The following HMGA2 variants were observed in gnomAD, a reference collection of about 807,000 sequenced individuals.
The protein encoded by HMGA2 is high mobility group protein HMGI-C.
A neutral mutation model predicts 19.1 loss-of-function variants in HMGA2; 8 were observed. The ratio of observed to expected loss-of-function variants is 0.42; its 90% CI spans 0.25 to 0.76. The LOEUF (loss-of-function observed/expected upper bound fraction) is 0.76, where lower values mean the gene tolerates loss of function less well. Among genes scored for constraint, HMGA2 ranks in the 30% least tolerant of loss-of-function variants. The probability of loss-of-function intolerance (pLI) is 0.28; values close to 1 mark genes in which losing one functional copy is unlikely to be tolerated. For synonymous variants in HMGA2, 60 were observed against 48.8 expected, an observed-to-expected ratio of 1.23 and a Z score of -0.96; for missense variants, 109 against 136.3, an observed-to-expected ratio of 0.80 and a Z score of 1.00.
At chr12:65,920,953 G>C (rs567979335) in intron 3 of HMGA2, among the ~76,000 whole-genome samples, 7 of 152,222 alleles carry the variant, frequency 4.6e-5, no homozygotes, top group Non-Finnish European at 1.0e-4. Context: ...ACAGGAAAAT[G>C]TGGGAATGTT....
chr12:65,837,174 G>T (rs2120867024), intron 2 of HMGA2, among the ~76,000 whole-genome samples: 1 of 152,306 alleles, frequency 6.6e-6, no homozygotes, highest in Admixed American at 6.5e-5. Context: ...TATTTTAAAT[G>T]CTCAATATTT....
chr12:65,860,808 T>A (rs1388741140), intron 3 of HMGA2, among the ~76,000 whole-genome samples: 2 of 152,190 alleles, frequency 1.3e-5, no homozygotes, highest in Non-Finnish European at 2.9e-5. Context: ...GAGACATAAA[T>A]ATAAGTGACA....
In HMGA2 at chr12:65,825,072, T is replaced by C; in HGVS notation, c.-199T>C. ...CCTCCTCCTCCTCCCCTCTTCTCTT[T>C]TTGGCAGCCGCTGGACGTCCGGTGT... is the stretch of plus-strand genomic sequence containing the variant. On this transcript the variant is annotated 5_prime_UTR_variant, in exon 1 of 5. Coordinates refer to ENST00000403681, the MANE Select transcript of HMGA2 (RefSeq NM_003483.6). The surrounding 1 kb of genome is among the most constrained non-coding windows in gnomAD (Gnocchi z 4.4). 2 of 501,234 alleles carry C rather than the reference T, an allele frequency of 4.0e-6. No homozygotes were observed. The highest frequency in any genetic ancestry group is 5.3e-5 in the South Asian group (2 of 37,472). The allele number at this position is 501,234 out of a possible 1,614,324, so 31.0% of individuals were successfully genotyped here.
intron 3 of HMGA2, among the ~76,000 whole-genome samples, chr12:65,939,779 AG>A (rs1188447934): frequency 2.6e-5 from 4 of 152,260 alleles, no homozygotes; most frequent in Non-Finnish European, 4.4e-5. Flanking sequence ...AGCACCAGCC[AG>A]GGAACACAGA....
At chr12:65,872,262 C>T (rs1006908692) in intron 3 of HMGA2, among the ~76,000 whole-genome samples, 1 of 152,132 alleles carries the variant, frequency 6.6e-6, no homozygotes, top group Non-Finnish European at 1.5e-5. Flanking sequence ...ACACATCAGC[C>T]GTGCCTCCTT....
chr12:65,842,578 C>T, intron 3 of HMGA2: 2 of 1,519,866 alleles, frequency 1.3e-6, no homozygotes, highest in East Asian at 2.5e-5. Flanking sequence ...TTTTAATTCT[C>T]TTTGCTATTA....
At chr12:65,940,643 G>C (rs929515023) in intron 3 of HMGA2, among the ~76,000 whole-genome samples, 1 of 152,184 alleles carries the variant, frequency 6.6e-6, no homozygotes, top group Non-Finnish European at 1.5e-5. Context: ...CACAGAATAT[G>C]CTGAATAATT....
chr12:65,838,397 A>G (rs1004430178), intron 2 of HMGA2, 122 bp from the exon 3 acceptor site: 2 of 755,760 alleles, frequency 2.6e-6, no homozygotes, highest in Non-Finnish European at 4.4e-6. Context: ...AAAAAACAAA[A>G]AAAAAAAAAC....
At chr12:65,851,543 A>G in intron 3 of HMGA2, 1 of 312,536 alleles carries the variant, frequency 3.2e-6, no homozygotes, top group Non-Finnish European at 6.4e-6. Context: ...CCAAGAAATT[A>G]GACAGCTGTG....
At chr12:65,865,671 G>C (rs1328512024) in intron 3 of HMGA2, among the ~76,000 whole-genome samples, 2 of 128,244 alleles carry the variant, frequency 1.6e-5, no homozygotes, top group Non-Finnish European at 3.1e-5. Flanking sequence ...GTCTCGCTCT[G>C]TCACCCAGGC....
At chr12:65,929,332 T>C (rs1315918038) in intron 3 of HMGA2, among the ~76,000 whole-genome samples, 1 of 152,060 alleles carries the variant, frequency 6.6e-6, no homozygotes, top group African/African-American at 2.4e-5. Context: ...CTATAAAATG[T>C]AAAAACCTTT....
At chr12:65,845,759 C>T (rs948915890) in intron 3 of HMGA2, among the ~76,000 whole-genome samples, 1 of 152,146 alleles carries the variant, frequency 6.6e-6, no homozygotes, top group Admixed American at 6.5e-5. Context: ...TTATCCGTGC[C>T]TTTTCTCATG....
At chr12:65,884,688 C>T (rs1377033254) in intron 3 of HMGA2, among the ~76,000 whole-genome samples, 2 of 152,144 alleles carry the variant, frequency 1.3e-5, no homozygotes, top group African/African-American at 4.8e-5. Context: ...AATTATGCTT[C>T]TAAATTCTCA....
chr12:65,852,639 G>A (rs998557070), intron 3 of HMGA2, among the ~76,000 whole-genome samples: 1 of 152,074 alleles, frequency 6.6e-6, no homozygotes, highest in African/African-American at 2.4e-5. Context: ...TGGTTTATGA[G>A]GCATTTACTC....
At chr12:65,868,153 A>G (rs1454625579) in intron 3 of HMGA2, among the ~76,000 whole-genome samples, 1 of 152,214 alleles carries the variant, frequency 6.6e-6, no homozygotes, top group Admixed American at 6.5e-5. Context: ...AATCTGTTGA[A>G]TGCCACTGGA....
At chr12:65,912,495 G>T (rs756847379) in intron 3 of HMGA2, among the ~76,000 whole-genome samples, 6 of 152,152 alleles carry the variant, frequency 3.9e-5, no homozygotes, top group Admixed American at 6.5e-5. Flanking sequence ...GAACCCTTCT[G>T]AAAATCATTT....
intron 3 of HMGA2, among the ~76,000 whole-genome samples, chr12:65,921,460 G>A (rs936813722): frequency 2.0e-5 from 3 of 152,078 alleles, no homozygotes; most frequent in South Asian, 2.1e-4. Flanking sequence ...TGTTAGCCAC[G>A]ATGGTCTCGA....
At chr12:65,881,109 G>T (rs1873356761) in intron 3 of HMGA2, 1 of 152,468 alleles carries the variant, frequency 6.6e-6, no homozygotes, top group South Asian at 2.1e-4. Flanking sequence ...TGAATTGACA[G>T]GCAGTTTACC....
chr12:65,914,634 A>G (rs1393950630), intron 3 of HMGA2: 2 of 283,820 alleles, frequency 7.0e-6, no homozygotes, highest in South Asian at 4.0e-5. Context: ...CCTAAAACTT[A>G]AAGTATAATT....
Sources: gnomAD v4.1 joint callset for allele counts (sites outside exome capture counted in the v4.1 genomes callset) on GRCh38, gnomAD v4.1.1 for gene constraint, Gnocchi (gnomAD v3.1) non-coding constraint, MANE v1.5 for transcripts, NCBI Gene and HGNC (gene_info 2026-07-23, HGNC 2026-07-21) for gene names.